The following ATP8B2 variants were observed in gnomAD, a reference collection of about 807,000 sequenced individuals.
ATP8B2 encodes phospholipid-transporting ATPase ID.
ATP8B2 carries 70 observed loss-of-function variants against 133.4 expected under a neutral mutation model. The ratio of observed to expected loss-of-function variants is 0.52; its 90% CI spans 0.43 to 0.64. The LOEUF (loss-of-function observed/expected upper bound fraction) is 0.64, where lower values mean the gene tolerates loss of function less well. ATP8B2 is among the 30% of genes least tolerant of loss of function. The pLI, the probability that ATP8B2 is intolerant of heterozygous loss-of-function variation, is 0.00. For missense variants in ATP8B2, 1,101 were observed against 1,535.7 expected, an observed-to-expected ratio of 0.72 and a Z score of 4.73; for synonymous variants, 517 against 589.5, an observed-to-expected ratio of 0.88 and a Z score of 1.78.
In ATP8B2 at chr1:154,349,533, C is replaced by T. The variant is rs1435047943; in HGVS notation, c.*415C>T. 1 of 184,846 alleles carries T rather than the reference C, an allele frequency of 5.4e-6. No individual in the cohort carries two copies. Among genetic ancestry groups the T allele is most frequent in the East Asian group, 1.3e-4 (1 of 7,924 alleles). The allele number at this position is 184,846 out of a possible 1,614,324, so 11.5% of individuals were successfully genotyped here. ...TGTTCCTGAATTACATAAGAATGTA[C>T]CATGCCGGGAAGCCAGAGACCTGCA... On this transcript the variant is annotated 3_prime_UTR_variant, in exon 28 of 28. Coordinates refer to ENST00000368489, the MANE Select transcript of ATP8B2 (RefSeq NM_001370597.1).
At chr1:154,339,025 C>T (rs1233240592) in intron 12 of ATP8B2, among the ~76,000 whole-genome samples, 1 of 152,168 alleles carries the variant, frequency 6.6e-6, no homozygotes, top group African/African-American at 2.4e-5. Flanking sequence ...TTGCTTAGTG[C>T]CTTGCACTTG....
Position 154,348,857 on chromosome 1 carries a change from C to G in ATP8B2, c.3312C>G (p.Leu1104=). The G allele has an allele frequency of 1.2e-6, 2 of 1,606,298 alleles. No homozygotes were observed. The highest frequency in any genetic ancestry group is 1.1e-5 in the South Asian group (1 of 90,428). Residue 1104 remains leucine, a synonymous_variant, in exon 28 of 28, where the codon CTC becomes CTG. Transcript: ENST00000368489. ...CTCTGCAGGTCCGCTACACACAGCTCGTGAGGAAGAAGCAGAAGGCCCAGC... is the reference window on the plus strand; with the variant it reads ...CTCTGCAGGTCCGCTACACACAGCTGGTGAGGAAGAAGCAGAAGGCCCAGC... ...DLSDTVRYTQ[L]VRKKQKAQHR...
Position 154,328,228 on chromosome 1 carries a change from G to A in ATP8B2, c.31+56G>A. ...AACCATCAAGAGTGGGTGTTGTTAT[G>A]GCTCAGGGAGCAAAAGGAAAAGGGA... On this transcript the variant is annotated intron_variant, in intron 2 of 27. Transcript: ENST00000368489. This position sits in a 1 kb window ranked among gnomAD's most constrained non-coding sequence, Gnocchi z 4.6. 6.5e-7 allele frequency: 1 copy of A among 1,545,456 alleles called. No individual in the cohort carries two copies.
intron 27 of ATP8B2, 42 bp from the exon 28 acceptor site, chr1:154,348,798 C>T: frequency 6.5e-7 from 1 of 1,530,706 alleles, no homozygotes; most frequent in Non-Finnish European, 8.8e-7. Flanking sequence ...ATATCTGACA[C>T]CTCCACGCTG....
chr1:154,336,749 C>A (rs1202450100), intron 11 of ATP8B2, among the ~76,000 whole-genome samples: 1 of 149,936 alleles, frequency 6.7e-6, no homozygotes, highest in Non-Finnish European at 1.5e-5. Flanking sequence ...CCCGCCTTGG[C>A]CTCCCAAAGT....
chr1:154,330,932 G>A lies in ATP8B2; in HGVS notation c.204+4G>A, dbSNP rs1685967365. The A allele has an allele frequency of 6.2e-7, 1 of 1,612,300 alleles. No homozygotes were observed. Among genetic ancestry groups the A allele is most frequent in the Non-Finnish European group, 8.5e-7 (1 of 1,178,456 alleles). On this transcript the variant is annotated splice_donor_region_variant and intron_variant, in intron 4 of 27. Coordinates refer to ENST00000368489, the MANE Select transcript of ATP8B2 (RefSeq NM_001370597.1). ...CCTGTTCCTCCTCATTCTGCAGGTA[G>A]GTGACCCATAGTAGATTTTTTGCAG...
Position 154,346,849 on chromosome 1 carries a change from C to T in ATP8B2, c.3163+91C>T. 1 of 1,372,068 alleles carries T rather than the reference C, an allele frequency of 7.3e-7. No individual in the cohort carries two copies. The highest frequency in any genetic ancestry group is 1.0e-6 in the Non-Finnish European group (1 of 996,618). The allele number at this position is 1,372,068 out of a possible 1,614,324, so 85.0% of individuals were successfully genotyped here. ...CAGCTAATCTGCACATTCAACATTT[C>T]TTATGTGCCAAGTATTCTGTTTATT... On this transcript the variant is annotated intron_variant, in intron 26 of 27. Coordinates refer to ENST00000368489, the MANE Select transcript of ATP8B2 (RefSeq NM_001370597.1). This position sits in a 1 kb window ranked among gnomAD's most constrained non-coding sequence, Gnocchi z 4.5.
In ATP8B2 at chr1:154,350,021, C is replaced by G. The variant is rs746826879; in HGVS notation, c.*903C>G. 1 of 152,098 alleles carries G rather than the reference C, an allele frequency of 6.6e-6. No individual in the cohort carries two copies. Among genetic ancestry groups the G allele is most frequent in the Non-Finnish European group, 1.5e-5 (1 of 68,064 alleles). 9.4% of individuals were successfully genotyped at this position (152,098 alleles called of 1,614,324 possible). On this transcript the variant is annotated 3_prime_UTR_variant, in exon 28 of 28. Transcript: ENST00000368489. ...AATCCTTAGTGAGCTAAAGCTGGGT[C>G]TGAAATTTGGTCAGTGGGGAGGGGT...
In ATP8B2 at chr1:154,348,465, C is replaced by A; in HGVS notation, c.3221C>A (p.Thr1074Lys). Residue 1074 changes from threonine (T) to lysine (K), a missense_variant, in exon 27 of 28, where the codon ACA becomes AAA. Thr to Lys is a moderately conservative substitution (Grantham distance 78). Transcript: ENST00000368489. ...GTGTGGCTGACCATTGTGCTCACCA[C>A]AGTCGTCTGCATCATGCCCGTGGTT... ...PTVWLTIVLT[T>K]VVCIMPVVAF... is the part of the protein sequence containing the mutation. 1 of 1,614,132 alleles carries A rather than the reference C, an allele frequency of 6.2e-7. No individual in the cohort carries two copies. Among genetic ancestry groups the A allele is most frequent in the Non-Finnish European group, 8.5e-7 (1 of 1,179,992 alleles).
intron 26 of ATP8B2, among the ~76,000 whole-genome samples, chr1:154,347,539 G>A (rs938949613): frequency 6.6e-6 from 1 of 152,154 alleles, no homozygotes; most frequent in Non-Finnish European, 1.5e-5. Context: ...AAAGTGTAGG[G>A]GGCAAGGGTG....
chr1:154,344,920 C>A lies in ATP8B2; in HGVS notation c.2287-51C>A. 1 of 1,570,320 alleles carries A rather than the reference C, an allele frequency of 6.4e-7. No individual in the cohort carries two copies. The highest frequency in any genetic ancestry group is 1.2e-5 in the South Asian group (1 of 84,858). On this transcript the variant is annotated intron_variant, in intron 21 of 27. Transcript: ENST00000368489. This position sits in a 1 kb window ranked among gnomAD's most constrained non-coding sequence, Gnocchi z 4.1. ...AAGGGGACTGGGAGGAGCTGAGACT[C>A]CCAGGTGTCTCCTGGAAAGACTGGC...
chr1:154,346,800 C>G lies in ATP8B2; in HGVS notation c.3163+42C>G, dbSNP rs774505132. 2 of 1,608,458 alleles carry G rather than the reference C, an allele frequency of 1.2e-6. No individual in the cohort carries two copies. Among genetic ancestry groups the G allele is most frequent in the Non-Finnish European group, 1.7e-6 (2 of 1,175,748 alleles). ...TCCTTGAATCGGTGAGGAATCACAG[C>G]TGTTCTGGGACTAACAGGACCATCA... is the stretch of plus-strand genomic sequence containing the variant. On this transcript the variant is annotated intron_variant, in intron 26 of 27. Transcript: ENST00000368489. The surrounding 1 kb of genome is among the most constrained non-coding windows in gnomAD (Gnocchi z 4.5).
intron 9 of ATP8B2, 39 bp downstream of exon 9, chr1:154,332,736 T>A (rs996006427): frequency 6.7e-7 from 1 of 1,481,606 alleles, no homozygotes. Flanking sequence ...GGTAGAGGAG[T>A]GGGGTTGGGT....
rs544566593 is a variant in ATP8B2 at position 154,350,386 on chromosome 1, CT to C, written c.*1271del. 38 of 152,234 alleles carry C rather than the reference CT, an allele frequency of 2.5e-4. No individual in the cohort carries two copies. Among genetic ancestry groups the C allele is most frequent in the African/African-American group, 8.4e-4 (35 of 41,532 alleles). The allele number at this position is 152,234 out of a possible 1,614,324, so 9.4% of individuals were successfully genotyped here. On this transcript the variant is annotated 3_prime_UTR_variant, in exon 28 of 28. Coordinates refer to ENST00000368489, the MANE Select transcript of ATP8B2 (RefSeq NM_001370597.1). ...ACCCAGCTCAGGGAGGCGTAGTTTT[CT>C]TTAATTTTAAATTTAAACCCAAGTT...
rs1316384200 is a variant in ATP8B2 at position 154,328,822 on chromosome 1, G to C, written c.31+650G>C. ...TGAGCTCGCGGTGTCCCCGAGCGCCGGCGGCCGGGAGGATGGCCTGGGCTG... is the reference window on the plus strand; with the variant it reads ...TGAGCTCGCGGTGTCCCCGAGCGCCCGCGGCCGGGAGGATGGCCTGGGCTG... On this transcript the variant is annotated intron_variant, in intron 2 of 27. Transcript: ENST00000368489. This position sits in a 1 kb window ranked among gnomAD's most constrained non-coding sequence, Gnocchi z 4.6. 2 of 1,036,518 alleles carry C rather than the reference G, an allele frequency of 1.9e-6. No individual in the cohort carries two copies. Among genetic ancestry groups the C allele is most frequent in the African/African-American group, 3.5e-5 (2 of 57,460 alleles). 64.2% of individuals were successfully genotyped at this position (1,036,518 alleles called of 1,614,324 possible). A position where few individuals can be genotyped will look rare whatever the true frequency, so the allele number is the denominator to read the frequency against.
chr1:154,346,613 T>C lies in ATP8B2; in HGVS notation c.3025-7T>C. ...TGCGCCTGCCTGACTATGCCTACTTTCTGCAGATTGGGCTCGACACAGGCT... is the reference window on the plus strand; with the variant it reads ...TGCGCCTGCCTGACTATGCCTACTTCCTGCAGATTGGGCTCGACACAGGCT... On this transcript the variant is annotated splice_polypyrimidine_tract_variant and splice_region_variant and intron_variant, in intron 25 of 27. Coordinates refer to ENST00000368489, the MANE Select transcript of ATP8B2 (RefSeq NM_001370597.1). The surrounding 1 kb of genome is among the most constrained non-coding windows in gnomAD (Gnocchi z 4.5). The C allele has an allele frequency of 6.2e-7, 1 of 1,614,180 alleles. No homozygotes were observed. The highest frequency in any genetic ancestry group is 8.5e-7 in the Non-Finnish European group (1 of 1,180,004).
rs1685866653 is a variant in ATP8B2 at position 154,328,483 on chromosome 1, C to T, written c.31+311C>T. On this transcript the variant is annotated intron_variant, in intron 2 of 27. Transcript: ENST00000368489. This position sits in a 1 kb window ranked among gnomAD's most constrained non-coding sequence, Gnocchi z 4.6. The stretch of plus-strand genomic sequence containing the variant: ...TCTCATCTCTGCTTGGTCCTCTCAC[C>T]CCTTCCCTGCTCCCCTCGTTTTTCC... 6.6e-6 allele frequency among the ~76,000 whole-genome samples: 1 copy of T among 152,198 alleles called. No homozygotes were observed. Among genetic ancestry groups the T allele is most frequent in the Admixed American group, 6.5e-5 (1 of 15,278 alleles).
chr1:154,326,607 G>T (rs905778222), intron 1 of ATP8B2, among the ~76,000 whole-genome samples: 1 of 152,182 alleles, frequency 6.6e-6, no homozygotes, highest in Non-Finnish European at 1.5e-5. Flanking sequence ...CCCCAGAGGG[G>T]ATGAGGTCTG....
At position 154,331,908 on chromosome 1, in the gene ATP8B2, G is replaced by C; in HGVS notation, c.439-46G>C. On this transcript the variant is annotated intron_variant, in intron 7 of 27. Coordinates refer to ENST00000368489, the MANE Select transcript of ATP8B2 (RefSeq NM_001370597.1). The surrounding 1 kb of genome is among the most constrained non-coding windows in gnomAD (Gnocchi z 4.8). ...GGAGCCACCATTACAGCCCACTGGG[G>C]GTGGAGGTTTGCATATTTGGACTTC... 6.4e-7 allele frequency: 1 copy of C among 1,564,538 alleles called. No individual in the cohort carries two copies. Among genetic ancestry groups the C allele is most frequent in the Non-Finnish European group, 8.8e-7 (1 of 1,135,004 alleles).
Sources: allele counts gnomAD v4.1 joint callset (sites outside exome capture counted in the v4.1 genomes callset), GRCh38; gene constraint gnomAD v4.1.1; non-coding constraint Gnocchi (gnomAD v3.1); transcripts MANE v1.5; gene names NCBI Gene and HGNC (gene_info 2026-07-23, HGNC 2026-07-21).